NALF2: variants seen among roughly 807,000 people sequenced by gnomAD.
NALF2 encodes the protein bB57D9.1 (TED protein).
NALF2 carries 1 observed loss-of-function variant against 24.8 expected under a neutral mutation model. That is an observed-to-expected ratio of 0.04 (90% CI 0.01 to 0.19). The LOEUF (loss-of-function observed/expected upper bound fraction) is 0.19, where lower values mean the gene tolerates loss of function less well. NALF2 is among the 10% of genes least tolerant of loss of function. The pLI is 1.00. For missense variants in NALF2, 458 were observed against 409.6 expected (o/e 1.12, Z -1.02); for synonymous variants, 254 against 189.8 (o/e 1.34, Z -2.78).
rs151056099 is a variant in NALF2, at chrX:69,505,904, C to G, written c.622C>G (p.Leu208Val). 1 of 1,211,757 alleles carries G rather than the reference C, an allele frequency of 8.3e-7. No homozygotes were observed. The highest frequency in any genetic ancestry group is 1.1e-6 in the Non-Finnish European group (1 of 895,490). The change falls in exon 1 of 3, where the codon CTG becomes GTG. Residue 208 changes from leucine (L) to valine (V), a missense_variant. Coordinates refer to ENST00000252338, the MANE Select transcript of NALF2 (RefSeq NM_015686.3). The stretch of plus-strand genomic sequence containing the variant: ...CGACACCTACACGGTCTGGGACTTG[C>G]TGCTGGGCATGGACCGCCCCGACAG... Reference protein sequence around the residue: ...FCDTYTVWDLLLGMDRPDSLD... With the variant: ...FCDTYTVWDLVLGMDRPDSLD...
chrX:69,520,624 A>G (rs1930720715), intron 1 of NALF2, among the ~76,000 whole-genome samples: 1 of 111,418 alleles, frequency 9.0e-6, no homozygotes, highest in African/African-American at 3.3e-5. Context: ...GCTGACTCAC[A>G]TATACCTCAA....
intron 1 of NALF2, among the ~76,000 whole-genome samples, chrX:69,512,290 C>G (rs1456091115): frequency 8.9e-6 from 1 of 112,249 alleles, no homozygotes; most frequent in Non-Finnish European, 1.9e-5. Flanking sequence ...CCTTTTCTCC[C>G]TGGGCATAAA....
At chrX:69,529,500 C>G in intron 2 of NALF2, 71 bp from the exon 3 acceptor site, 1 of 1,137,791 alleles carries the variant, frequency 8.8e-7, no homozygotes, top group Non-Finnish European at 1.2e-6. Context: ...GCTCTGGAAA[C>G]TTGCTCCCTA....
At position 69,504,809 on chromosome X, in the gene NALF2, A is replaced by C. The variant is rs1357916267; in HGVS notation, c.-474A>C. Among the ~76,000 whole-genome samples, 1 of 106,765 alleles carries C rather than the reference A, an allele frequency of 9.4e-6. No individual in the cohort carries two copies. The highest frequency in any genetic ancestry group is 3.4e-5 in the African/African-American group (1 of 29,738). 92.7% of individuals were successfully genotyped at this position (106,765 alleles called of 115,157 possible). On this transcript the variant is annotated 5_prime_UTR_variant, in exon 1 of 3. Transcript: ENST00000252338. Reference sequence around the variant, plus strand: ...GCGCGGGGCGAGGGGAGCGGAGCGGAGCGCGGCGGCGGGGCCCGCACGGCG... The same window carrying C: ...GCGCGGGGCGAGGGGAGCGGAGCGGCGCGCGGCGGCGGGGCCCGCACGGCG...
Position 69,529,040 on chromosome X carries a change from G to A in NALF2, c.909G>A (p.Gln303=). The A allele has an allele frequency of 2.5e-6, 3 of 1,211,200 alleles. No homozygotes were observed. Among genetic ancestry groups the A allele is most frequent in the East Asian group, 5.9e-5 (2 of 33,820 alleles). The change falls in exon 2 of 3, where the codon CAG becomes CAA. Residue 303 remains glutamine, a synonymous_variant. Transcript: ENST00000252338. ...WLCSEYFSVT[Q]QECQRWVPCK... is the part of the protein sequence containing the mutation. Reference sequence around the variant, plus strand: ...GCTCAGAATACTTCAGCGTGACCCAGCAGGAATGCCAGCGCTGGGTGCCCT... The same window carrying A: ...GCTCAGAATACTTCAGCGTGACCCAACAGGAATGCCAGCGCTGGGTGCCCT...
chrX:69,505,221 G>T lies in NALF2; in HGVS notation c.-62G>T. 1.9e-6 allele frequency: 2 copies of T among 1,067,864 alleles called. No homozygotes were observed. The highest frequency in any genetic ancestry group is 4.0e-5 in the African/African-American group (2 of 50,324). The allele number at this position is 1,067,864 out of a possible 1,213,427, so 88.0% of individuals were successfully genotyped here. On this transcript the variant is annotated 5_prime_UTR_variant, in exon 1 of 3. Transcript: ENST00000252338. ...GCGCAGAGCGGCGCGCAGCCCGCCC[G>T]CCCCAGACGGCCGTCTGGCCTCGCG...
chrX:69,521,063 G>A (rs1469316495), intron 1 of NALF2, among the ~76,000 whole-genome samples: 2 of 111,886 alleles, frequency 1.8e-5, no homozygotes, highest in Non-Finnish European at 3.8e-5. Context: ...GCTCTCCATT[G>A]CCTATAGGAT....
intron 1 of NALF2, among the ~76,000 whole-genome samples, chrX:69,528,770 G>A (rs768439772): frequency 1.5e-3 from 163 of 112,228 alleles, no homozygotes; most frequent in African/African-American, 5.1e-3. Context: ...TTGAGTCTTG[G>A]ATGACTGCAG....
At position 69,529,810 on chromosome X, in the gene NALF2, C is replaced by T. The variant is rs768985561; in HGVS notation, c.1273C>T (p.Arg425Cys). 123 of 1,209,881 alleles carry T rather than the reference C, an allele frequency of 1.0e-4. No individual in the cohort carries two copies. The highest frequency in any genetic ancestry group is 6.8e-4 in the Admixed American group (31 of 45,887). The change falls in exon 3 of 3, where the codon CGC becomes TGC. Residue 425 changes from arginine to cysteine, a missense_variant. By Grantham distance (180) the Arg-to-Cys change is radical. Coordinates refer to ENST00000252338, the MANE Select transcript of NALF2 (RefSeq NM_015686.3). Reference protein sequence around the residue: ...PALLPVSGGSRLSPSRIRLCV... With the variant: ...PALLPVSGGSCLSPSRIRLCV... ...CCTGCTGCCGGTCTCTGGGGGCTCC[C>T]GCCTCAGCCCTAGCAGGATCCGGCT...
intron 1 of NALF2, among the ~76,000 whole-genome samples, chrX:69,508,672 C>T (rs1456619295): frequency 9.0e-6 from 1 of 111,622 alleles, no homozygotes. Context: ...AGCCCTGCTA[C>T]CCTACTTGGA....
chrX:69,513,302 A>G (rs1394437561), intron 1 of NALF2, among the ~76,000 whole-genome samples: 4 of 112,217 alleles, frequency 3.6e-5, no homozygotes, highest in African/African-American at 1.3e-4. Flanking sequence ...TGGAAGGGAA[A>G]ACGACTGCAG....
At chrX:69,527,496 T>G (rs773939045) in intron 1 of NALF2, among the ~76,000 whole-genome samples, 2 of 112,247 alleles carry the variant, frequency 1.8e-5, no homozygotes, top group Non-Finnish European at 3.8e-5. Flanking sequence ...GAAACCATGT[T>G]GCTCAGAATA....
At chrX:69,513,792 T>C (rs916736835) in intron 1 of NALF2, among the ~76,000 whole-genome samples, 6 of 111,672 alleles carry the variant, frequency 5.4e-5, no homozygotes, top group Non-Finnish European at 1.1e-4. Context: ...TATTTTTAAG[T>C]GTACAATTCA....
rs1569256905 is a variant in NALF2 at position 69,505,655 on chromosome X, GC to G, written c.378del (p.Ala127ProfsTer98). On this transcript the variant is annotated frameshift_variant, in exon 1 of 3. Coordinates refer to ENST00000252338, the MANE Select transcript of NALF2 (RefSeq NM_015686.3). LOFTEE classifies it high-confidence loss of function. The stretch of plus-strand genomic sequence containing the variant: ...CAGATACAGCAACCTGACCAAAGCC[GC>G]CCCCGCCGCCGGCTCTCGGCCGGTC... ...GPRYSNLTKAAPAAGSRPVCG... is the reference protein window; with the variant it reads ...GPRYSNLTKAXPAAGSRPVCG... The G allele has an allele frequency of 8.3e-7, 1 of 1,200,955 alleles. No individual in the cohort carries two copies. The highest frequency in any genetic ancestry group is 1.1e-6 in the Non-Finnish European group (1 of 892,599).
chrX:69,521,381 C>T (rs1459552722), intron 1 of NALF2, among the ~76,000 whole-genome samples: 1 of 110,976 alleles, frequency 9.0e-6, no homozygotes, highest in African/African-American at 3.3e-5. Flanking sequence ...CACAGTTGAT[C>T]ACTCCTCTCT....
intron 2 of NALF2, 131 bp downstream of exon 2, chrX:69,529,295 C>A: frequency 1.2e-6 from 1 of 802,440 alleles, no homozygotes; most frequent in Non-Finnish European, 1.7e-6. Flanking sequence ...GACGAATGGG[C>A]AGTGACGTCC....
In NALF2 at chrX:69,514,178, A is replaced by G. The variant is rs1038821219; in HGVS notation, c.861+8035A>G. On this transcript the variant is annotated intron_variant, in intron 1 of 2. Coordinates refer to ENST00000252338, the MANE Select transcript of NALF2 (RefSeq NM_015686.3). Reference sequence around the variant, plus strand: ...GCACTCCAGCCTGGGTGACAGAGTAAGACTCTGTCTCAAAAAATTAAAAAA... The same window carrying G: ...GCACTCCAGCCTGGGTGACAGAGTAGGACTCTGTCTCAAAAAATTAAAAAA... Among the ~76,000 whole-genome samples, 12 of 85,152 alleles carry G rather than the reference A, an allele frequency of 1.4e-4. No homozygotes were observed. The Admixed American group carries it at 2.1e-3, about 15-fold the overall frequency. 73.9% of individuals were successfully genotyped at this position (85,152 alleles called of 115,157 possible).
intron 1 of NALF2, among the ~76,000 whole-genome samples, chrX:69,523,531 C>T (rs1930761325): frequency 2.7e-5 from 3 of 111,884 alleles, no homozygotes; most frequent in Admixed American, 9.4e-5. Context: ...GGACAGCCTT[C>T]GCAGCTTCCT....
In NALF2 at chrX:69,505,813, C is replaced by A. The variant is rs142803076; in HGVS notation, c.531C>A (p.Ala177=). 1 of 1,210,816 alleles carries A rather than the reference C, an allele frequency of 8.3e-7. No homozygotes were observed. The highest frequency in any genetic ancestry group is 1.1e-6 in the Non-Finnish European group (1 of 894,532). The change falls in exon 1 of 3, where the codon GCC becomes GCA. Residue 177 remains alanine (A), a synonymous_variant. Coordinates refer to ENST00000252338, the MANE Select transcript of NALF2 (RefSeq NM_015686.3). ...RPPDSLSRAP[A]EFPSAKKNLL... ...CTGACTCCCTTTCCCGTGCCCCGGC[C>A]GAGTTCCCCTCCGCCAAAAAAAACT...
Sources: gnomAD v4.1 joint callset for allele counts (sites outside exome capture counted in the v4.1 genomes callset) on GRCh38, gnomAD v4.1.1 for gene constraint, MANE v1.5 for transcripts, NCBI Gene and HGNC (gene_info 2026-07-23, HGNC 2026-07-21) for gene names.